SLC7A5: variants seen among roughly 807,000 people sequenced by gnomAD.
The protein encoded by SLC7A5 is large neutral amino acids transporter small subunit 1.
Under a neutral mutation model 50.2 loss-of-function variants are expected in SLC7A5, and 23 were observed. The ratio of observed to expected loss-of-function variants is 0.46; its 90% CI spans 0.33 to 0.65. The LOEUF is 0.65. Among genes scored for constraint, SLC7A5 ranks in the 30% least tolerant of loss-of-function variants. The probability of loss-of-function intolerance (pLI) is 0.02; values close to 1 mark genes in which losing one functional copy is unlikely to be tolerated. For missense variants in SLC7A5, 578 were observed against 684.4 expected (o/e 0.84, Z 1.73); for synonymous variants, 393 against 330.6 (o/e 1.19, Z -2.05).
chr16:87,846,613 AAC>A (rs1352533132), intron 2 of SLC7A5, among the ~76,000 whole-genome samples: 1 of 152,182 alleles, frequency 6.6e-6, no homozygotes, highest in Non-Finnish European at 1.5e-5. Context: ...CCCACAAGGA[AAC>A]ACAGCGAGGG....
chr16:87,832,733 C>A lies in SLC7A5; in HGVS notation c.*237G>T, dbSNP rs569614757. Reference sequence around the variant, plus strand: ...GAAGGGAAAAAGGGCCCAAGGAGACCAAAAGCTGCTCCTGGGCAGGAGCAC... The same window carrying A: ...GAAGGGAAAAAGGGCCCAAGGAGACAAAAAGCTGCTCCTGGGCAGGAGCAC... On this transcript the variant is annotated 3_prime_UTR_variant, in exon 10 of 10. Coordinates refer to ENST00000261622, the MANE Select transcript of SLC7A5 (RefSeq NM_003486.7). The surrounding 1 kb of genome is among the most constrained non-coding windows in gnomAD (Gnocchi z 4.6). The A allele has an allele frequency of 4.2e-6, 2 of 480,112 alleles. No homozygotes were observed. Among genetic ancestry groups the A allele is most frequent in the Non-Finnish European group, 7.6e-6 (2 of 262,312 alleles). 29.7% of individuals were successfully genotyped at this position (480,112 alleles called of 1,614,324 possible).
chr16:87,859,784 C>T (rs2055365935), intron 1 of SLC7A5, among the ~76,000 whole-genome samples: 1 of 151,782 alleles, frequency 6.6e-6, no homozygotes. Flanking sequence ...ACTAAAAATA[C>T]AAAATTAGCC....
At chr16:87,848,479 T>C (rs1462137304) in intron 2 of SLC7A5, among the ~76,000 whole-genome samples, 2 of 152,354 alleles carry the variant, frequency 1.3e-5, no homozygotes, top group East Asian at 1.9e-4. Context: ...TGAACCCTCA[T>C]GAGTACTGTC....
In SLC7A5 at chr16:87,841,652, G is replaced by T. The variant is rs1424179458; in HGVS notation, c.665-497C>A. ...CCTCCCTCCAGGGCTGGCAGGACAG[G>T]CCTGGGCAAGAACATAGGTTTGTCC... On this transcript the variant is annotated intron_variant, in intron 2 of 9. Coordinates refer to ENST00000261622, the MANE Select transcript of SLC7A5 (RefSeq NM_003486.7). This position sits in a 1 kb window ranked among gnomAD's most constrained non-coding sequence, Gnocchi z 4.8. 6.6e-6 allele frequency among the ~76,000 whole-genome samples: 1 copy of T among 152,086 alleles called. No individual in the cohort carries two copies. The highest frequency in any genetic ancestry group is 1.5e-5 in the Non-Finnish European group (1 of 68,024).
intron 1 of SLC7A5, among the ~76,000 whole-genome samples, chr16:87,856,827 G>C (rs1470061201): frequency 1.3e-5 from 2 of 152,228 alleles, no homozygotes; most frequent in Admixed American, 1.3e-4. Context: ...CATCCCCCGG[G>C]GGAACTTATA....
At position 87,846,587 on chromosome 16, in the gene SLC7A5, C is replaced by T. The variant is rs561982236; in HGVS notation, c.664+5137G>A. ...ATCCTTGTCCACACAAGAGGAGGCC[C>T]CAGACAGCTCACTCTCCCACAAGGA... On this transcript the variant is annotated intron_variant, in intron 2 of 9. Coordinates refer to ENST00000261622, the MANE Select transcript of SLC7A5 (RefSeq NM_003486.7). 1.4e-3 allele frequency among the ~76,000 whole-genome samples: 216 copies of T among 152,280 alleles called. 1 individual carries two copies. Among genetic ancestry groups the T allele is most frequent in the Middle Eastern group, 3.4e-3 (1 of 294 alleles).
intron 1 of SLC7A5, among the ~76,000 whole-genome samples, chr16:87,855,812 C>A (rs1470050276): frequency 6.6e-6 from 1 of 152,040 alleles, no homozygotes; most frequent in Admixed American, 6.5e-5. Flanking sequence ...ACCCCGCAGG[C>A]CCCATGAACC....
At chr16:87,856,063 G>A (rs1464223295) in intron 1 of SLC7A5, among the ~76,000 whole-genome samples, 1 of 152,158 alleles carries the variant, frequency 6.6e-6, no homozygotes, top group East Asian at 1.9e-4. Context: ...ATCCTCCCGG[G>A]CCCCTTCGAG....
intron 1 of SLC7A5, among the ~76,000 whole-genome samples, chr16:87,867,183 G>C (rs34030702): frequency 6.6e-6 from 1 of 152,228 alleles, no homozygotes; most frequent in African/African-American, 2.4e-5. Context: ...GCCTCCCAAA[G>C]TGCTGGGATT....
intron 1 of SLC7A5, among the ~76,000 whole-genome samples, chr16:87,858,323 C>T (rs1400654503): frequency 2.6e-5 from 4 of 152,184 alleles, no homozygotes; most frequent in Non-Finnish European, 5.9e-5. Context: ...GTCACCGCAG[C>T]ATGAGTATCT....
chr16:87,854,666 C>T (rs763073496), intron 1 of SLC7A5, among the ~76,000 whole-genome samples: 24 of 152,246 alleles, frequency 1.6e-4, no homozygotes, highest in Non-Finnish European at 2.6e-4. Context: ...CGCCAGCCTG[C>T]GGGGACAGCT....
chr16:87,854,030 CAGGGCTGTCACTGTGGGTGGGACAG>C (rs1342887499), intron 1 of SLC7A5: 1 of 150,882 alleles, frequency 6.6e-6, no homozygotes, highest in Non-Finnish European at 1.5e-5. Context: ...ATGACGCCAT[CAGGGCTGTCACTGTGGGTGGGACAG>C]AGGCCAGGAC....
chr16:87,838,230 G>C (rs544033714), intron 6 of SLC7A5, among the ~76,000 whole-genome samples: 1 of 152,324 alleles, frequency 6.6e-6, no homozygotes, highest in East Asian at 1.9e-4. Flanking sequence ...GGCAGGAGTG[G>C]GGAGGCGAGG....
At chr16:87,837,297 T>C (rs1170054075) in intron 7 of SLC7A5, 3 of 185,140 alleles carry the variant, frequency 1.6e-5, no homozygotes, top group Non-Finnish European at 3.4e-5. Context: ...GAAGCCACTG[T>C]GGAGTGGCCT....
At chr16:87,847,428 C>G (rs1050765444) in intron 2 of SLC7A5, among the ~76,000 whole-genome samples, 1 of 152,182 alleles carries the variant, frequency 6.6e-6, no homozygotes, top group African/African-American at 2.4e-5. Flanking sequence ...ACCTCTTCCT[C>G]CAGGAAGCTC....
At position 87,860,979 on chromosome 16, in the gene SLC7A5, C is replaced by T. The variant is rs1461755209; in HGVS notation, c.538+7906G>A. Among the ~76,000 whole-genome samples the T allele has an allele frequency of 5.9e-5, 9 of 152,228 alleles. No individual in the cohort carries two copies. The South Asian group carries it at 1.7e-3, about 28-fold the overall frequency. On this transcript the variant is annotated intron_variant, in intron 1 of 9. Transcript: ENST00000261622. This position sits in a 1 kb window ranked among gnomAD's most constrained non-coding sequence, Gnocchi z 4.8. Reference sequence around the variant, plus strand: ...GGGTCCGCCTTCCAGAGGGAGAATTCAGGATTCGGCCAGTATCAGGGAAGG... The same window carrying T: ...GGGTCCGCCTTCCAGAGGGAGAATTTAGGATTCGGCCAGTATCAGGGAAGG...
At position 87,869,483 on chromosome 16, in the gene SLC7A5, C is replaced by A. The variant is rs1433497266; in HGVS notation, c.-61G>T. The A allele has an allele frequency of 1.8e-6, 2 of 1,133,514 alleles. No homozygotes were observed. The highest frequency in any genetic ancestry group is 1.6e-5 in the African/African-American group (1 of 60,856). 70.2% of individuals were successfully genotyped at this position (1,133,514 alleles called of 1,614,324 possible). A position where few individuals can be genotyped will look rare whatever the true frequency, so the allele number is the denominator to read the frequency against. On this transcript the variant is annotated 5_prime_UTR_variant, in exon 1 of 10. Coordinates refer to ENST00000261622, the MANE Select transcript of SLC7A5 (RefSeq NM_003486.7). The stretch of plus-strand genomic sequence containing the variant: ...GCCGCGGCCCAGCGAGCAGTGTGCG[C>A]GCCGCCCGCCGCCCGCAGCTGCGTC...
chr16:87,837,477 C>A (rs2143720139), intron 7 of SLC7A5: 2 of 277,204 alleles, frequency 7.2e-6, no homozygotes, highest in South Asian at 5.2e-5. Context: ...CGCGGGCTGG[C>A]ACGGAAAGAT....
chr16:87,865,280 G>A (rs1260656906), intron 1 of SLC7A5, among the ~76,000 whole-genome samples: 3 of 152,148 alleles, frequency 2.0e-5, no homozygotes, highest in Non-Finnish European at 2.9e-5. Flanking sequence ...ATGGCTTAGG[G>A]ACATGAGAAG....
Sources: allele counts gnomAD v4.1 joint callset (sites outside exome capture counted in the v4.1 genomes callset), GRCh38; gene constraint gnomAD v4.1.1; non-coding constraint Gnocchi (gnomAD v3.1); transcripts MANE v1.5; gene names NCBI Gene and HGNC (gene_info 2026-07-23, HGNC 2026-07-21).